Variants in CECR2 observed in about 807,000 individuals in gnomAD.
CECR2 encodes the protein chromatin remodeling regulator CECR2.
In CECR2, 30 loss-of-function variants were observed where a neutral mutation model predicts 154.5. The observed-to-expected ratio is 0.19, with a 90% CI of 0.15 to 0.26. CECR2 has a LOEUF of 0.26. Among genes scored for constraint, CECR2 ranks in the 10% least tolerant of loss-of-function variants. The probability of loss-of-function intolerance (pLI) is 1.00; values close to 1 mark genes in which losing one functional copy is unlikely to be tolerated. For missense variants in CECR2, 1,743 were observed against 1,829.3 expected, an observed-to-expected ratio of 0.95 and a Z score of 0.86; for synonymous variants, 725 against 683.7, an observed-to-expected ratio of 1.06 and a Z score of -0.94.
At chr22:17,552,775 T>TTTTTTTG (rs2056728055) in intron 18 of CECR2, 60 bp from the exon 19 acceptor site, 7 of 888,126 alleles carry the variant, frequency 7.9e-6, no homozygotes, top group Non-Finnish European at 7.4e-6. Context: ...CTTACTTAAG[T>TTTTTTTG]TTTTTTTTTT....
intron 1 of CECR2, among the ~76,000 whole-genome samples, chr22:17,404,361 G>GTTTTT (rs1555944378): frequency 1.3e-5 from 1 of 74,806 alleles, no homozygotes; most frequent in South Asian, 3.9e-4. Flanking sequence ...TCTGGACCCT[G>GTTTTT]TTCTTTCTTT....
Position 17,419,802 on chromosome 22 carries a change from G to A in CECR2, c.126+49893G>A, listed in dbSNP as rs2054217626. On this transcript the variant is annotated intron_variant, in intron 1 of 18. Coordinates refer to ENST00000262608, the MANE Select transcript of CECR2 (RefSeq NM_001290047.2). ...CAGAGAGGCATTGGTCAAAAAATTT[G>A]GTGCTCAGAATATAGCTCAGAGGAT... 7 of 279,460 alleles carry A rather than the reference G, an allele frequency of 2.5e-5. No individual in the cohort carries two copies. In the Admixed American group the frequency reaches 2.8e-4, roughly 11 times the overall value. The allele number at this position is 279,460 out of a possible 1,614,324, so 17.3% of individuals were successfully genotyped here. A position where few individuals can be genotyped will look rare whatever the true frequency, so the allele number is the denominator to read the frequency against.
intron 16 of CECR2, among the ~76,000 whole-genome samples, chr22:17,546,004 A>G (rs998570486): frequency 6.6e-6 from 1 of 152,104 alleles, no homozygotes; most frequent in South Asian, 2.1e-4. Context: ...GTGAGACACA[A>G]TCACACCACT....
At chr22:17,474,186 T>C (rs893886677) in intron 1 of CECR2, among the ~76,000 whole-genome samples, 9 of 152,212 alleles carry the variant, frequency 5.9e-5, no homozygotes, top group African/African-American at 2.2e-4. Flanking sequence ...AGTTCAGCAA[T>C]GTCTTCATCA....
intron 1 of CECR2, among the ~76,000 whole-genome samples, chr22:17,404,410 G>T (rs1601296871): frequency 1.6e-5 from 1 of 63,792 alleles, no homozygotes; most frequent in Non-Finnish European, 2.7e-5. Context: ...GTCTCGCTCT[G>T]TCGCCCAGGC....
intron 1 of CECR2, among the ~76,000 whole-genome samples, chr22:17,442,775 C>T (rs550536373): frequency 2.0e-4 from 31 of 152,178 alleles, no homozygotes; most frequent in African/African-American, 7.2e-4. Flanking sequence ...TCTTGAACTC[C>T]TGACCTCATG....
intron 1 of CECR2, among the ~76,000 whole-genome samples, chr22:17,435,695 A>C (rs926462542): frequency 1.3e-4 from 19 of 148,302 alleles, no homozygotes; most frequent in African/African-American, 2.0e-4. Flanking sequence ...AAAAAAAAAA[A>C]AAAAAAAAAA....
chr22:17,414,162 T>A (rs9604742), intron 1 of CECR2, among the ~76,000 whole-genome samples: 1 of 148,712 alleles, frequency 6.7e-6, no homozygotes, highest in Non-Finnish European at 1.5e-5. Context: ...TTAGTAGAGA[T>A]GGGATTTCAC....
At chr22:17,369,352 G>A (rs2063026069), upstream of CECR2, 1 of 151,480 alleles carries the variant, frequency 6.6e-6, no homozygotes. Flanking sequence ...GTCCGGGCGG[G>A]GGTGGGGCGG....
At chr22:17,454,257 C>A (rs1367705391) in intron 1 of CECR2, among the ~76,000 whole-genome samples, 1 of 151,874 alleles carries the variant, frequency 6.6e-6, no homozygotes, top group African/African-American at 2.4e-5. Context: ...CATGATCGCA[C>A]CACTGCACCC....
At chr22:17,495,223 T>C (rs2055601774) in intron 2 of CECR2, among the ~76,000 whole-genome samples, 1 of 152,124 alleles carries the variant, frequency 6.6e-6, no homozygotes, top group Admixed American at 6.6e-5. Flanking sequence ...AGATGTAAAA[T>C]AACCATCTAA....
chr22:17,511,989 T>G, intron 8 of CECR2, 93 bp downstream of exon 8: 1 of 947,872 alleles, frequency 1.1e-6, no homozygotes, highest in Admixed American at 2.5e-5. Flanking sequence ...TTATTTTCCT[T>G]CATTTTTTTT....
chr22:17,462,022 A>G (rs2054947173), intron 1 of CECR2, among the ~76,000 whole-genome samples: 2 of 151,452 alleles, frequency 1.3e-5, no homozygotes, highest in African/African-American at 4.8e-5. Flanking sequence ...CGAACTCCTG[A>G]CCTCGTGGTC....
At chr22:17,533,830 C>T (rs2056397051) in intron 9 of CECR2, among the ~76,000 whole-genome samples, 1 of 151,748 alleles carries the variant, frequency 6.6e-6, no homozygotes, top group Non-Finnish European at 1.5e-5. Context: ...AATTCTCCTG[C>T]CTCAGCCTCC....
intron 6 of CECR2, 110 bp from the exon 7 acceptor site, chr22:17,504,737 G>A (rs1052848663): frequency 1.7e-5 from 17 of 981,274 alleles, no homozygotes; most frequent in South Asian, 1.3e-4. Flanking sequence ...CACCGCGCCC[G>A]GCCGAGTTCC....
intron 1 of CECR2, among the ~76,000 whole-genome samples, chr22:17,446,149 A>G (rs5746388): frequency 0.3 from 45,507 of 152,008 alleles, 9,768 homozygotes; most frequent in African/African-American, 0.58. Flanking sequence ...AAAAAAACTC[A>G]GGAGGTGCTT....
Position 17,540,406 on chromosome 22 carries a change from C to T in CECR2, c.1496-6C>T. ...CCTAGAAGTCAATCCTCCTGTCTTC[C>T]TATAGAGTATACCAAGATGTCTGAT... On this transcript the variant is annotated splice_region_variant and splice_polypyrimidine_tract_variant and intron_variant, in intron 13 of 18. Transcript: ENST00000262608. 1 of 1,521,624 alleles carries T rather than the reference C, an allele frequency of 6.6e-7. No individual in the cohort carries two copies. Among genetic ancestry groups the T allele is most frequent in the Non-Finnish European group, 8.8e-7 (1 of 1,134,592 alleles). 94.3% of individuals were successfully genotyped at this position (1,521,624 alleles called of 1,614,324 possible).
chr22:17,552,966 G>T lies in CECR2; in HGVS notation c.*126G>T. 6.7e-7 allele frequency: 1 copy of T among 1,494,592 alleles called. No homozygotes were observed. The highest frequency in any genetic ancestry group is 8.9e-7 in the Non-Finnish European group (1 of 1,124,438). The allele number at this position is 1,494,592 out of a possible 1,614,324, so 92.6% of individuals were successfully genotyped here. A position where few individuals can be genotyped will look rare whatever the true frequency, so the allele number is the denominator to read the frequency against. On this transcript the variant is annotated 3_prime_UTR_variant, in exon 19 of 19. Transcript: ENST00000262608. ...TCCACCCCTTCACGGCGACCCACTCGTGCCATACTTGAGCTGGAGCCAGTC... is the reference window on the plus strand; with the variant it reads ...TCCACCCCTTCACGGCGACCCACTCTTGCCATACTTGAGCTGGAGCCAGTC...
At chr22:17,461,079 C>T (rs2054930272) in intron 1 of CECR2, among the ~76,000 whole-genome samples, 1 of 152,190 alleles carries the variant, frequency 6.6e-6, no homozygotes, top group African/African-American at 2.4e-5. Flanking sequence ...TCACCCATTA[C>T]CGCGATGGGT....
Sources: gnomAD v4.1 joint callset for allele counts (sites outside exome capture counted in the v4.1 genomes callset) on GRCh38, gnomAD v4.1.1 for gene constraint, MANE v1.5 for transcripts, NCBI Gene and HGNC (gene_info 2026-07-23, HGNC 2026-07-21) for gene names.